ARMH3: variants seen among roughly 807,000 people sequenced by gnomAD.
ARMH3 encodes the protein armadillo like helical domain containing 3, also known as armadillo-like helical domain-containing protein 3.
ARMH3 carries 60 observed loss-of-function variants against 99.1 expected under a neutral mutation model. The ratio of observed to expected loss-of-function variants is 0.61; its 90% confidence interval spans 0.49 to 0.75. The LOEUF (loss-of-function observed/expected upper bound fraction) is 0.75, where lower values mean the gene tolerates loss of function less well. ARMH3 is among the 30% of genes least tolerant of loss of function. The pLI is 0.00. For missense variants in ARMH3, 679 were observed against 843.1 expected (o/e 0.81, Z 2.41); for synonymous variants, 285 against 292.8 (o/e 0.97, Z 0.27).
chr10:101,960,661 C>T (rs1057509975), intron 20 of ARMH3, among the ~76,000 whole-genome samples: 3 of 152,050 alleles, frequency 2.0e-5, no homozygotes, highest in African/African-American at 7.2e-5. Context: ...GAGGCTGAGG[C>T]AGGCTGATCA....
intron 17 of ARMH3, among the ~76,000 whole-genome samples, chr10:101,993,264 G>C (rs968524766): frequency 5.5e-5 from 8 of 145,156 alleles, no homozygotes; most frequent in African/African-American, 7.7e-5. Flanking sequence ...GAGAGAGAGA[G>C]AGAGACTCTC....
intron 19 of ARMH3, among the ~76,000 whole-genome samples, chr10:101,986,045 TAC>T (rs753720468): frequency 1.2e-4 from 18 of 151,096 alleles, no homozygotes; most frequent in African/African-American, 2.4e-4. Flanking sequence ...TGAAATAAAA[TAC>T]ACACACACAC....
chr10:101,861,216 T>C (rs962764975), intron 24 of ARMH3, among the ~76,000 whole-genome samples: 3 of 152,084 alleles, frequency 2.0e-5, no homozygotes, highest in African/African-American at 7.2e-5. Context: ...AAAAGACACA[T>C]TATGTATAGA....
chr10:101,894,555 T>C (rs1010216184), intron 23 of ARMH3, among the ~76,000 whole-genome samples: 2 of 152,224 alleles, frequency 1.3e-5, no homozygotes, highest in African/African-American at 4.8e-5. Flanking sequence ...CTAGGACTCA[T>C]GCTTGACTAG....
chr10:101,896,106 C>T (rs992317850), intron 23 of ARMH3, among the ~76,000 whole-genome samples: 19 of 152,088 alleles, frequency 1.2e-4, no homozygotes, highest in Non-Finnish European at 2.6e-4. Flanking sequence ...TGGCGTGTGC[C>T]GGTAGTCCCA....
intron 24 of ARMH3, among the ~76,000 whole-genome samples, chr10:101,876,985 A>G (rs995133955): frequency 1.3e-5 from 2 of 151,984 alleles, no homozygotes; most frequent in African/African-American, 4.8e-5. Flanking sequence ...AGGTGGGAGG[A>G]TCACCTGAGC....
intron 19 of ARMH3, among the ~76,000 whole-genome samples, chr10:101,988,828 C>G (rs1316715575): frequency 1.4e-5 from 2 of 146,576 alleles, no homozygotes; most frequent in East Asian, 4.1e-4. Context: ...GAAGCTGAGG[C>G]AGGTGAATCA....
intron 21 of ARMH3, 53 bp from the exon 22 acceptor site, chr10:101,956,776 A>G: frequency 6.3e-7 from 1 of 1,587,540 alleles, no homozygotes; most frequent in Non-Finnish European, 8.6e-7. Flanking sequence ...AAGACTAAAA[A>G]TTATCAGTGG....
In ARMH3 at chr10:102,011,823, T is replaced by C. The variant is rs777860041; in HGVS notation, c.771-40A>G. ...CTAAATTCAACTTTAGGATTGTTTA[T>C]CAATTATGTCTTTGTCCTTGACATT... On this transcript the variant is annotated intron_variant, in intron 10 of 25. Coordinates refer to ENST00000370033, the MANE Select transcript of ARMH3 (RefSeq NM_024541.3). 7.9e-6 allele frequency: 12 copies of C among 1,522,736 alleles called. No individual in the cohort carries two copies. In the East Asian group the frequency reaches 1.8e-4, roughly 23 times the overall value. 94.3% of individuals were successfully genotyped at this position (1,522,736 alleles called of 1,614,324 possible).
intron 18 of ARMH3, among the ~76,000 whole-genome samples, chr10:101,990,814 A>G (rs1317508075): frequency 1.3e-5 from 2 of 152,230 alleles, no homozygotes; most frequent in Non-Finnish European, 2.9e-5. Flanking sequence ...GTAATAAGAA[A>G]TTATTTCACT....
At chr10:102,006,412 T>A in intron 14 of ARMH3, 128 bp downstream of exon 14, 1 of 930,104 alleles carries the variant, frequency 1.1e-6, no homozygotes, top group South Asian at 1.6e-5. Flanking sequence ...GCCTGAAGGA[T>A]AGTACTACAG....
intron 19 of ARMH3, among the ~76,000 whole-genome samples, chr10:101,988,267 TCA>T (rs1365232409): frequency 3.3e-5 from 5 of 152,216 alleles, no homozygotes; most frequent in African/African-American, 4.8e-5. Context: ...CTCCTGAGCC[TCA>T]GTTTCCTTTC....
At chr10:102,004,279 T>C (rs1479651957) in intron 14 of ARMH3, among the ~76,000 whole-genome samples, 2 of 152,164 alleles carry the variant, frequency 1.3e-5, no homozygotes, top group Admixed American at 6.5e-5. Flanking sequence ...AAAACAAGGT[T>C]GTAATACTTA....
intron 11 of ARMH3, 95 bp from the exon 12 acceptor site, chr10:102,010,118 G>A: frequency 8.6e-7 from 1 of 1,163,156 alleles, no homozygotes; most frequent in East Asian, 2.4e-5. Context: ...AAAACAAGCT[G>A]CTTCCACCTG....
intron 2 of ARMH3, among the ~76,000 whole-genome samples, chr10:102,036,061 G>A (rs1378794358): frequency 2.8e-5 from 4 of 143,950 alleles, no homozygotes; most frequent in African/African-American, 7.8e-5. Context: ...CGGCCGCCCC[G>A]TCTGGGAAGT....
At chr10:101,922,966 A>G (rs777561231) in intron 23 of ARMH3, among the ~76,000 whole-genome samples, 2 of 152,166 alleles carry the variant, frequency 1.3e-5, no homozygotes, top group Non-Finnish European at 2.9e-5. Flanking sequence ...CTGGGTAGTG[A>G]AAATGCATTA....
intron 2 of ARMH3, among the ~76,000 whole-genome samples, chr10:102,036,446 G>A (rs2067274167): frequency 6.6e-6 from 1 of 152,186 alleles, no homozygotes; most frequent in Non-Finnish European, 1.5e-5. Context: ...GGGGAAAGGT[G>A]GGGAAAAGCT....
At chr10:101,965,205 A>G (rs1228143108) in intron 20 of ARMH3, among the ~76,000 whole-genome samples, 1 of 152,212 alleles carries the variant, frequency 6.6e-6, no homozygotes, top group Non-Finnish European at 1.5e-5. Context: ...AAGAAAAACA[A>G]AAGGTCAATG....
At chr10:101,968,189 A>G (rs911750798) in intron 20 of ARMH3, among the ~76,000 whole-genome samples, 3 of 152,246 alleles carry the variant, frequency 2.0e-5, no homozygotes, top group Admixed American at 6.5e-5. Context: ...ACTTTGGGAA[A>G]TGTAGGGTCC....
Sources: allele counts gnomAD v4.1 joint callset (sites outside exome capture counted in the v4.1 genomes callset), GRCh38; gene constraint gnomAD v4.1.1; transcripts MANE v1.5; gene names NCBI Gene and HGNC (gene_info 2026-07-23, HGNC 2026-07-21).